The following CDK5RAP2 variants were observed in gnomAD, a reference collection of about 807,000 sequenced individuals.
CDK5RAP2 encodes the protein CDK5 regulatory subunit associated protein 2, also known as CDK5 regulatory subunit-associated protein 2.
A neutral mutation model predicts 232.9 loss-of-function variants in CDK5RAP2; 147 were observed. The ratio of observed to expected loss-of-function variants is 0.63; its 90% CI spans 0.55 to 0.72. The LOEUF is 0.72. Among genes scored for constraint, CDK5RAP2 ranks in the 30% least tolerant of loss-of-function variants. CDK5RAP2 has a pLI of 0.00. For missense variants in CDK5RAP2, 2,195 were observed against 2,231.5 expected (o/e 0.98, Z 0.33); for synonymous variants, 833 against 833.7 (o/e 1.00, Z 0.01).
intron 3 of CDK5RAP2, among the ~76,000 whole-genome samples, chr9:120,567,914 T>C (rs1165068055): frequency 6.6e-6 from 1 of 152,204 alleles, no homozygotes; most frequent in East Asian, 1.9e-4. Flanking sequence ...ATACAAAATA[T>C]CTCAAAGGTT....
At chr9:120,568,206 C>A (rs577038267) in intron 3 of CDK5RAP2, 115 bp downstream of exon 3, 21 of 828,960 alleles carry the variant, frequency 2.5e-5, no homozygotes, top group Non-Finnish European at 4.3e-5. Context: ...ATGGCACCCC[C>A]CTGCCTCTGG....
intron 21 of CDK5RAP2, among the ~76,000 whole-genome samples, chr9:120,452,845 TAAC>T (rs908269347): frequency 3.3e-5 from 5 of 152,070 alleles, no homozygotes; most frequent in African/African-American, 9.7e-5. Flanking sequence ...AACCACCGGT[TAAC>T]AACGGGAACA....
intron 1 of CDK5RAP2, among the ~76,000 whole-genome samples, chr9:120,577,280 G>C (rs1480052969): frequency 6.6e-6 from 1 of 151,210 alleles, no homozygotes; most frequent in Non-Finnish European, 1.5e-5. Flanking sequence ...AGAATTGCTT[G>C]AACTCTGGAG....
Position 120,447,918 on chromosome 9 carries a change from G to C in CDK5RAP2, c.3002C>G (p.Thr1001Arg). Reference protein sequence around the residue: ...LAEAVMEGRPTPDKTLLNAQP... With the variant: ...LAEAVMEGRPRPDKTLLNAQP... ...ACCATTCAGCAACGTTTTGTCGGGC[G>C]TTGGCCTCCCCTCCATCACTGCTTC... The change falls in exon 22 of 38, where the codon ACG becomes AGG. Residue 1001 changes from threonine (T) to arginine (R), a missense_variant. Coordinates refer to ENST00000349780, the MANE Select transcript of CDK5RAP2 (RefSeq NM_018249.6). 1.2e-6 allele frequency: 2 copies of C among 1,614,048 alleles called. No individual in the cohort carries two copies. The highest frequency in any genetic ancestry group is 1.7e-6 in the Non-Finnish European group (2 of 1,179,898).
At chr9:120,400,144 T>C (rs1272842112) in intron 35 of CDK5RAP2, among the ~76,000 whole-genome samples, 1 of 152,068 alleles carries the variant, frequency 6.6e-6, no homozygotes, top group Non-Finnish European at 1.5e-5. Flanking sequence ...TTAGCCAGAG[T>C]GGGCGTTCAC....
At chr9:120,442,697 C>A (rs1236603789) in intron 23 of CDK5RAP2, among the ~76,000 whole-genome samples, 2 of 152,230 alleles carry the variant, frequency 1.3e-5, no homozygotes, top group African/African-American at 4.8e-5. Flanking sequence ...AGTTCTACAA[C>A]TTTCCACAAT....
chr9:120,458,443 T>G lies in CDK5RAP2; in HGVS notation c.2375+7A>C. On this transcript the variant is annotated splice_region_variant and intron_variant, in intron 20 of 37. Coordinates refer to ENST00000349780, the MANE Select transcript of CDK5RAP2 (RefSeq NM_018249.6). ...GAAACAAAGGAATGCCTGGGCCCCA[T>G]GTATACCTGGATTCCAGTAATAATG... 6.2e-7 allele frequency: 1 copy of G among 1,613,906 alleles called. No homozygotes were observed. The highest frequency in any genetic ancestry group is 8.5e-7 in the Non-Finnish European group (1 of 1,179,798).
chr9:120,441,172 C>G (rs895427504), intron 23 of CDK5RAP2, among the ~76,000 whole-genome samples: 5 of 152,198 alleles, frequency 3.3e-5, no homozygotes, highest in Non-Finnish European at 7.3e-5. Context: ...CTGTGCCACA[C>G]TGCTGGCTGC....
chr9:120,454,766 A>C (rs1248528688), intron 20 of CDK5RAP2, among the ~76,000 whole-genome samples: 2 of 152,194 alleles, frequency 1.3e-5, no homozygotes, highest in Non-Finnish European at 2.9e-5. Context: ...CTGTTGGGTA[A>C]ATGTCCCAGT....
At chr9:120,443,441 C>T (rs1385780710) in intron 23 of CDK5RAP2, among the ~76,000 whole-genome samples, 179 bp downstream of exon 23, 1 of 152,200 alleles carries the variant, frequency 6.6e-6, no homozygotes, top group East Asian at 1.9e-4. Context: ...TCCTACTTAC[C>T]AGCTGGGTGA....
Position 120,518,217 on chromosome 9 carries a change from G to C in CDK5RAP2, c.1311+210C>G, listed in dbSNP as rs10984938. Among the ~76,000 whole-genome samples the C allele has an allele frequency of 0.023, 2,215 of 95,264 alleles. 12 individuals are homozygous for C. Among genetic ancestry groups the C allele is most frequent in the East Asian group, 0.039 (100 of 2,572 alleles). 62.5% of individuals were successfully genotyped at this position (95,264 alleles called of 152,430 possible). On this transcript the variant is annotated intron_variant, in intron 12 of 37. Coordinates refer to ENST00000349780, the MANE Select transcript of CDK5RAP2 (RefSeq NM_018249.6). ...TGTGTGTGTGTGTGTGTGTGAGAGA[G>C]AGAGAGAGAGAGAGAGAGAGAGAGA...
rs572583198 is a variant in CDK5RAP2, at chr9:120,440,256, A to C, written c.3149-284T>G. On this transcript the variant is annotated intron_variant, in intron 23 of 37. Coordinates refer to ENST00000349780, the MANE Select transcript of CDK5RAP2 (RefSeq NM_018249.6). Reference sequence around the variant, plus strand: ...TTAACCATGATAAACCCACACACACACCCCCTAAAATTCATCGACATTCCC... The same window carrying C: ...TTAACCATGATAAACCCACACACACCCCCCCTAAAATTCATCGACATTCCC... 1,393 of 445,992 alleles carry C rather than the reference A, an allele frequency of 3.1e-3. 16 individuals carry two copies. The highest frequency in any genetic ancestry group is 0.024 in the African/African-American group (1,213 of 50,522). 27.6% of individuals were successfully genotyped at this position (445,992 alleles called of 1,614,324 possible). A position where few individuals can be genotyped will look rare whatever the true frequency, so the allele number is the denominator to read the frequency against.
At chr9:120,407,946 T>A in intron 31 of CDK5RAP2, 1 of 288,838 alleles carries the variant, frequency 3.5e-6, no homozygotes, top group South Asian at 3.5e-5. Flanking sequence ...ATTTCCTGGG[T>A]GCCTACTATG....
rs2033844469 is a variant in CDK5RAP2, at chr9:120,411,473, A to T, written c.4299T>A (p.Gly1433=). The T allele has an allele frequency of 6.6e-7, 1 of 1,526,410 alleles. No individual in the cohort carries two copies. The highest frequency in any genetic ancestry group is 9.1e-7 in the Non-Finnish European group (1 of 1,100,808). 94.6% of individuals were successfully genotyped at this position (1,526,410 alleles called of 1,614,324 possible). ...AACCAGAAGCAAAAATGCTTGTAGAACCTATAAAAACACACATAAAAACTG... is the reference window on the plus strand; with the variant it reads ...AACCAGAAGCAAAAATGCTTGTAGATCCTATAAAAACACACATAAAAACTG... ...LERQGSEFVQ[G]STSIFASGSE... Residue 1433 remains glycine, a splice_region_variant and synonymous_variant, in exon 29 of 38, where the codon GGT becomes GGA. Transcript: ENST00000349780.
At chr9:120,398,608 G>A (rs917720663) in intron 35 of CDK5RAP2, among the ~76,000 whole-genome samples, 7 of 152,032 alleles carry the variant, frequency 4.6e-5, no homozygotes, top group African/African-American at 1.7e-4. Context: ...TTATATACTT[G>A]CTAAGTCAAA....
At chr9:120,545,534 A>G (rs1037524125) in intron 5 of CDK5RAP2, among the ~76,000 whole-genome samples, 180 bp downstream of exon 5, 1 of 152,206 alleles carries the variant, frequency 6.6e-6, no homozygotes, top group Admixed American at 6.5e-5. Flanking sequence ...TCATTTTTCT[A>G]TAAGCATGGT....
At chr9:120,438,618 A>G (rs2035720806) in intron 24 of CDK5RAP2, among the ~76,000 whole-genome samples, 1 of 152,184 alleles carries the variant, frequency 6.6e-6, no homozygotes, top group African/African-American at 2.4e-5. Context: ...CCTACCTGTA[A>G]TAACTAGTTT....
At position 120,477,365 on chromosome 9, in the gene CDK5RAP2, A is replaced by C; in HGVS notation, c.1712T>G (p.Leu571Arg). The C allele has an allele frequency of 6.2e-6, 10 of 1,611,016 alleles. No individual in the cohort carries two copies. The highest frequency in any genetic ancestry group is 8.5e-6 in the Non-Finnish European group (10 of 1,177,336). Residue 571 changes from leucine (L) to arginine (R), a missense_variant, in exon 15 of 38, where the codon CTG (leucine) becomes CGG (arginine). Physicochemically the swap from Leu to Arg is moderately radical, Grantham distance 102. Transcript: ENST00000349780. ...QDIYTHLVKS[L>R]QESDSINNLQ... Reference sequence around the variant, plus strand: ...AAACGCTTACCTGTCTGATTCCTGCAGAGATTTGACCAGATGGGTATAGAT... The same window carrying C: ...AAACGCTTACCTGTCTGATTCCTGCCGAGATTTGACCAGATGGGTATAGAT...
intron 1 of CDK5RAP2, among the ~76,000 whole-genome samples, 182 bp downstream of exon 1, chr9:120,579,738 G>A (rs2043171453): frequency 6.6e-6 from 1 of 152,220 alleles, no homozygotes; most frequent in South Asian, 2.1e-4. Context: ...GCAGGTCGCG[G>A]CTCCCAGCCC....
Sources: allele counts gnomAD v4.1 joint callset (sites outside exome capture counted in the v4.1 genomes callset), GRCh38; gene constraint gnomAD v4.1.1; transcripts MANE v1.5; gene names NCBI Gene and HGNC (gene_info 2026-07-23, HGNC 2026-07-21).